Variants in FGFR1 observed in about 807,000 individuals in gnomAD.
The protein encoded by FGFR1 is FGFR1/PLAG1 fusion.
In FGFR1, 18 loss-of-function variants were observed where a neutral mutation model predicts 93.7. That is an observed-to-expected ratio of 0.19 (90% CI 0.13 to 0.28). The LOEUF is 0.28. Ranked by LOEUF, FGFR1 falls within the 10% of genes least tolerant of loss-of-function variation. The pLI is 1.00. For missense variants in FGFR1, 731 were observed against 1,080.4 expected, an observed-to-expected ratio of 0.68 and a Z score of 4.53; for synonymous variants, 448 against 429.3, an observed-to-expected ratio of 1.04 and a Z score of -0.54.
At chr8:38,459,458 G>C (rs1358160617) in intron 1 of FGFR1, among the ~76,000 whole-genome samples, 1 of 152,198 alleles carries the variant, frequency 6.6e-6, no homozygotes, top group Non-Finnish European at 1.5e-5. Context: ...CAAATCAAAA[G>C]AGAAGTCAAC....
chr8:38,421,789 G>C lies in FGFR1; in HGVS notation c.1081+8C>G, dbSNP rs778296146. ...CAGGACATCGAGAGGAGAAGTTACA[G>C]TGTGTACCTTCCAGAACGGTCAACC... On this transcript the variant is annotated splice_region_variant and intron_variant, in intron 8 of 17. Transcript: ENST00000447712. The C allele has an allele frequency of 9.9e-6, 16 of 1,613,692 alleles. No individual in the cohort carries two copies. In the South Asian group the frequency reaches 1.6e-4, roughly 17 times the overall value.
At chr8:38,447,514 C>T (rs1829743216) in intron 2 of FGFR1, among the ~76,000 whole-genome samples, 1 of 152,150 alleles carries the variant, frequency 6.6e-6, no homozygotes, top group Non-Finnish European at 1.5e-5. Flanking sequence ...CAGAGCGTTG[C>T]TCTGTCGCCC....
Position 38,457,552 on chromosome 8 carries a change from A to T in FGFR1, c.-88-18T>A. On this transcript the variant is annotated intron_variant, in intron 1 of 17. Transcript: ENST00000447712. ...AACTGACCCTGAGGAAAGGAAAAAA[A>T]CCCCAAAAGTTAGGAGGGTCTAGGT... is the stretch of plus-strand genomic sequence containing the variant. The T allele has an allele frequency of 1.3e-6, 2 of 1,560,950 alleles. No individual in the cohort carries two copies. The highest frequency in any genetic ancestry group is 1.7e-6 in the Non-Finnish European group (2 of 1,155,356).
Position 38,412,717 on chromosome 8 carries a change from GC to G in FGFR1, c.*910del, listed in dbSNP as rs752671026. 74 of 233,378 alleles carry G rather than the reference GC, an allele frequency of 3.2e-4. No homozygotes were observed. The highest frequency in any genetic ancestry group is 7.3e-4 in the Admixed American group (13 of 17,774). The allele number at this position is 233,378 out of a possible 1,614,324, so 14.5% of individuals were successfully genotyped here. ...TGGACATTCCCACCCTTTTCATACAGCCCATAGATAAATGAAGCAGCAGCAA... is the reference window on the plus strand; with the variant it reads ...TGGACATTCCCACCCTTTTCATACAGCCATAGATAAATGAAGCAGCAGCAA... On this transcript the variant is annotated 3_prime_UTR_variant, in exon 18 of 18. Coordinates refer to ENST00000447712, the MANE Select transcript of FGFR1 (RefSeq NM_023110.3).
chr8:38,429,779 C>G lies in FGFR1; in HGVS notation c.261G>C (p.Glu87Asp). The change falls in exon 3 of 18, where the codon GAG becomes GAC. Residue 87 changes from glutamate (E) to aspartate (D), a missense_variant. Glu to Asp is a conservative substitution (Grantham distance 45). Coordinates refer to ENST00000447712, the MANE Select transcript of FGFR1 (RefSeq NM_023110.3). The surrounding 1 kb of genome is among the most constrained non-coding windows in gnomAD (Gnocchi z 4.4). ...NRTRITGEEV[E>D]VQDSVPADSG... is the part of the protein sequence containing the mutation. ...AGTCTGCGGGCACGGAGTCCTGCAC[C>G]TCCACCTCCTCCCCTGTGATGCGGG... 1 of 1,610,946 alleles carries G rather than the reference C, an allele frequency of 6.2e-7. No individual in the cohort carries two copies. Among genetic ancestry groups the G allele is most frequent in the Non-Finnish European group, 8.5e-7 (1 of 1,178,802 alleles).
chr8:38,458,942 G>A (rs17175729), intron 1 of FGFR1: 4 of 217,868 alleles, frequency 1.8e-5, no homozygotes, highest in African/African-American at 4.5e-5. Flanking sequence ...CAGAAGTTGC[G>A]GGGGGCAAGG....
chr8:38,435,815 T>C (rs1342283318), intron 2 of FGFR1, among the ~76,000 whole-genome samples: 1 of 152,238 alleles, frequency 6.6e-6, no homozygotes, highest in Non-Finnish European at 1.5e-5. Flanking sequence ...AAAGCCACTT[T>C]ATTGTTCAGT....
At position 38,415,879 on chromosome 8, in the gene FGFR1, G is replaced by T. The variant is rs768986378; in HGVS notation, c.1845C>A (p.Ala615=). 16 of 1,613,526 alleles carry T rather than the reference G, an allele frequency of 9.9e-6. No individual in the cohort carries two copies. Among genetic ancestry groups the T allele is most frequent in the Non-Finnish European group, 1.3e-5 (15 of 1,180,022 alleles). ...YQVARGMEYL[A]SKKCIHRDLA... ...CCTTCAGGTTCCACACCTTCTTGGA[G>T]GCCAGATACTCCATGCCTCGGGCCA... The change falls in exon 13 of 18, where the codon GCC becomes GCA. Residue 615 remains alanine, a synonymous_variant. Coordinates refer to ENST00000447712, the MANE Select transcript of FGFR1 (RefSeq NM_023110.3).
chr8:38,447,142 CACACACACA>C (rs1192452824), intron 2 of FGFR1, among the ~76,000 whole-genome samples: 46 of 147,616 alleles, frequency 3.1e-4, no homozygotes, highest in African/African-American at 8.0e-4. Flanking sequence ...CACACACACA[CACACACACA>C]CCCCTGACAA....
rs1232019450 is a variant in FGFR1 at position 38,418,225 on chromosome 8, T to G, written c.1430+3A>C. On this transcript the variant is annotated splice_donor_region_variant and intron_variant, in intron 10 of 17. Transcript: ENST00000447712. ...AAAAAGTTGGGAGTCAAAGTATTATTACCTGTCCCGAGGCAGCTCCCAGCG... is the reference window on the plus strand; with the variant it reads ...AAAAAGTTGGGAGTCAAAGTATTATGACCTGTCCCGAGGCAGCTCCCAGCG... 1 of 1,614,184 alleles carries G rather than the reference T, an allele frequency of 6.2e-7. No homozygotes were observed. Among genetic ancestry groups the G allele is most frequent in the East Asian group, 2.2e-5 (1 of 44,884 alleles).
intron 2 of FGFR1, chr8:38,435,714 T>A (rs1162846642): frequency 2.0e-5 from 3 of 152,228 alleles, no homozygotes; most frequent in Non-Finnish European, 4.4e-5. Flanking sequence ...CTTTCTCTGG[T>A]CAAGACCAAC....
At chr8:38,430,387 C>T (rs1490728726) in intron 2 of FGFR1, 2 of 172,866 alleles carry the variant, frequency 1.2e-5, no homozygotes, top group Non-Finnish European at 2.5e-5. Flanking sequence ...TCAGCCTCAC[C>T]CTTCCCTAGC....
chr8:38,456,009 G>C (rs1832720918), intron 2 of FGFR1, among the ~76,000 whole-genome samples: 1 of 152,170 alleles, frequency 6.6e-6, no homozygotes. Context: ...ACAGCAACAT[G>C]AATATGCCTG....
intron 2 of FGFR1, among the ~76,000 whole-genome samples, chr8:38,430,986 C>T (rs925144996): frequency 2.6e-5 from 4 of 152,198 alleles, no homozygotes; most frequent in African/African-American, 9.7e-5. Context: ...GGGAAATGAA[C>T]TTTCTATTTC....
rs559830835 is a variant in FGFR1, at chr8:38,411,287, T to G, written c.*2341A>C. On this transcript the variant is annotated 3_prime_UTR_variant, in exon 18 of 18. Coordinates refer to ENST00000447712, the MANE Select transcript of FGFR1 (RefSeq NM_023110.3). ...ACCTCTCCCAAGGACTTATGAAGACTTTTAGATTCTTCATCCCTTCACACA... is the reference window on the plus strand; with the variant it reads ...ACCTCTCCCAAGGACTTATGAAGACGTTTAGATTCTTCATCCCTTCACACA... 9.5e-4 allele frequency: 201 copies of G among 210,600 alleles called. No individual in the cohort carries two copies. The highest frequency in any genetic ancestry group is 4.1e-3 in the African/African-American group (180 of 44,188). 13.0% of individuals were successfully genotyped at this position (210,600 alleles called of 1,614,324 possible). A position where few individuals can be genotyped will look rare whatever the true frequency, so the allele number is the denominator to read the frequency against.
chr8:38,451,128 CT>C (rs1362986964), intron 2 of FGFR1, among the ~76,000 whole-genome samples: 4 of 152,204 alleles, frequency 2.6e-5, no homozygotes, highest in Admixed American at 2.0e-4. Context: ...CTGACATCAC[CT>C]TTTGCTCCAT....
At chr8:38,416,483 G>A (rs569048297) in intron 12 of FGFR1, among the ~76,000 whole-genome samples, 2 of 109,640 alleles carry the variant, frequency 1.8e-5, no homozygotes, top group African/African-American at 7.1e-5. Context: ...TTGAGATGGA[G>A]TTTTGCTCGT....
chr8:38,426,126 G>T lies in FGFR1; in HGVS notation c.741C>A (p.Val247=), dbSNP rs745325958. 2 of 1,614,038 alleles carry T rather than the reference G, an allele frequency of 1.2e-6. No homozygotes were observed. The highest frequency in any genetic ancestry group is 1.7e-6 in the Non-Finnish European group (2 of 1,180,010). Residue 247 remains valine (V), a synonymous_variant, in exon 6 of 18, where the codon GTC becomes GTA. Transcript: ENST00000447712. This position sits in a 1 kb window ranked among gnomAD's most constrained non-coding sequence, Gnocchi z 4.1. Reference sequence around the variant, plus strand: ...CTGCTGCCTCTGCCCTCTTACCCACGACATCCAGCTGGTATGTGTGGTTGA... The same window carrying T: ...CTGCTGCCTCTGCCCTCTTACCCACTACATCCAGCTGGTATGTGTGGTTGA... ...GSINHTYQLD[V]VERSPHRPIL... is the part of the protein sequence containing the mutation.
At position 38,428,408 on chromosome 8, in the gene FGFR1, T is replaced by G. The variant is rs765615419; in HGVS notation, c.386A>C (p.Asp129Ala). The G allele has an allele frequency of 5.0e-5, 80 of 1,613,864 alleles. No homozygotes were observed. The South Asian group carries it at 6.8e-4, about 14-fold the overall frequency. The change falls in exon 4 of 18, where the codon GAT (aspartate) becomes GCT (alanine). Residue 129 changes from aspartate to alanine, a missense_variant. Asp to Ala is a moderately radical substitution (Grantham distance 126). This residue lies in a region of FGFR1 where 212 missense variants were observed against 205.8 expected (regional missense o/e 1.03). Coordinates refer to ENST00000447712, the MANE Select transcript of FGFR1 (RefSeq NM_023110.3). ...CTCTGAAGAGGAGTCATCATCATCATCATCATCCTCCGAGGAGGGGAGAGC... is the reference window on the plus strand; with the variant it reads ...CTCTGAAGAGGAGTCATCATCATCAGCATCATCCTCCGAGGAGGGGAGAGC... Reference protein sequence around the residue: ...SDALPSSEDDDDDDDSSSEEK... With the variant: ...SDALPSSEDDADDDDSSSEEK...
Sources: allele counts gnomAD v4.1 joint callset (sites outside exome capture counted in the v4.1 genomes callset), GRCh38; gene constraint gnomAD v4.1.1; regional missense constraint gnomAD v4.1.1; non-coding constraint Gnocchi (gnomAD v3.1); transcripts MANE v1.5; gene names NCBI Gene and HGNC (gene_info 2026-07-23, HGNC 2026-07-21).